Variants in NUMB observed in about 807,000 individuals in gnomAD.
NUMB encodes the protein NUMB endocytic adaptor protein.
In NUMB, 29 loss-of-function variants were observed where a neutral mutation model predicts 59.7. That is an observed-to-expected ratio of 0.49 (90% CI 0.36 to 0.66). NUMB has a LOEUF of 0.66. Among genes scored for constraint, NUMB ranks in the 30% least tolerant of loss-of-function variants. The pLI is 0.00. For missense variants in NUMB, 723 were observed against 822.0 expected, an observed-to-expected ratio of 0.88 and a Z score of 1.47; for synonymous variants, 288 against 288.2, an observed-to-expected ratio of 1.00 and a Z score of 0.01.
chr14:73,316,597 T>G (rs1326025564), intron 5 of NUMB, among the ~76,000 whole-genome samples, 175 bp from the exon 6 acceptor site: 2 of 152,112 alleles, frequency 1.3e-5, no homozygotes, highest in Non-Finnish European at 2.9e-5. Flanking sequence ...GAAGGGTGCA[T>G]GAAAATGCAG....
intron 1 of NUMB, among the ~76,000 whole-genome samples, chr14:73,430,702 G>A (rs1215411495): frequency 1.3e-5 from 2 of 152,052 alleles, no homozygotes; most frequent in Non-Finnish European, 2.9e-5. Context: ...AGCACTTTGG[G>A]AGTCCGAGGC....
Position 73,333,647 on chromosome 14 carries a change from T to A in NUMB, c.127-10443A>T, listed in dbSNP as rs78330171. Reference sequence around the variant, plus strand: ...GGACACTAGATCCTTATCAGACATATAATTTCCAAACATTTTCTCCCATTC... The same window carrying A: ...GGACACTAGATCCTTATCAGACATAAAATTTCCAAACATTTTCTCCCATTC... On this transcript the variant is annotated intron_variant, in intron 4 of 12. Coordinates refer to ENST00000555238, the MANE Select transcript of NUMB (RefSeq NM_001005743.2). Among the ~76,000 whole-genome samples the A allele has an allele frequency of 7.8e-3, 1,182 of 152,282 alleles. 8 individuals are homozygous for A. Among genetic ancestry groups the A allele is most frequent in the Middle Eastern group, 0.037 (11 of 294 alleles).
chr14:73,299,282 T>C (rs1157384718), intron 6 of NUMB: 1 of 152,154 alleles, frequency 6.6e-6, no homozygotes, highest in African/African-American at 2.4e-5. Context: ...TTGATCTTGA[T>C]TCTATGGGCA....
rs188587197 is a variant in NUMB at position 73,276,777 on chromosome 14, G to A, written c.1757C>T (p.Ser586Phe). The A allele has an allele frequency of 3.3e-5, 53 of 1,614,218 alleles. No homozygotes were observed. The Admixed American group carries it at 6.0e-4, about 18-fold the overall frequency. ...ATCATCTACACCATTGAAAGCTGCA[G>A]AACCGTTGAGGTGCTGAGCAGGAGG... The part of the protein sequence containing the change: ...FKPPAQHLNG[S>F]AAFNGVDDGR... The change falls in exon 13 of 13, where the codon TCT becomes TTT. Residue 586 changes from serine to phenylalanine, a missense_variant. Ser to Phe is a radical substitution (Grantham distance 155). This residue lies in a region of NUMB where 406 missense variants were observed against 385.4 expected (regional missense o/e 1.05). Transcript: ENST00000555238.
At chr14:73,437,354 T>C (rs1898103406) in intron 1 of NUMB, among the ~76,000 whole-genome samples, 1 of 152,172 alleles carries the variant, frequency 6.6e-6, no homozygotes. Flanking sequence ...CTCTTAATCG[T>C]GCTCAGTCCA....
chr14:73,386,191 T>G (rs1255483373), intron 2 of NUMB, among the ~76,000 whole-genome samples: 1 of 152,108 alleles, frequency 6.6e-6, no homozygotes, highest in African/African-American at 2.4e-5. Flanking sequence ...CATGCTATGA[T>G]GGCATCTGTG....
Position 73,277,069 on chromosome 14 carries a change from T to C in NUMB, c.1465A>G (p.Thr489Ala), listed in dbSNP as rs1229966008. 2 of 1,613,270 alleles carry C rather than the reference T, an allele frequency of 1.2e-6. No individual in the cohort carries two copies. The highest frequency in any genetic ancestry group is 1.7e-5 in the Admixed American group (1 of 59,930). The change falls in exon 13 of 13, where the codon ACC becomes GCC. Residue 489 changes from threonine to alanine, a missense_variant. Thr to Ala is a moderately conservative substitution (Grantham distance 58). Transcript: ENST00000555238. ...ASPFQGNAFL[T>A]SQPVPVGVVP... is the part of the protein sequence containing the mutation. ...ACACCCACTGGCACAGGCTGAGAGG[T>C]GAGGAATGCATTCCCTTGGAAAGGT...
chr14:73,444,015 C>T (rs1228182210), intron 1 of NUMB, among the ~76,000 whole-genome samples: 4 of 152,032 alleles, frequency 2.6e-5, no homozygotes, highest in Non-Finnish European at 5.9e-5. Flanking sequence ...TCAAGTGATT[C>T]TCCTGCCTCA....
rs1292733380 is a variant in NUMB, at chr14:73,279,278, T to C, written c.1240+3A>G. Reference sequence around the variant, plus strand: ...TCCTCAACACCATCTGTGGCCACCTTACCCGAACATGTGGCTGCAATTTCC... The same window carrying C: ...TCCTCAACACCATCTGTGGCCACCTCACCCGAACATGTGGCTGCAATTTCC... On this transcript the variant is annotated splice_donor_region_variant and intron_variant, in intron 12 of 12. Transcript: ENST00000555238. 6 of 1,614,088 alleles carry C rather than the reference T, an allele frequency of 3.7e-6. No individual in the cohort carries two copies. Among genetic ancestry groups the C allele is most frequent in the South Asian group, 1.1e-5 (1 of 91,080 alleles).
At chr14:73,392,362 T>C (rs1476351389) in intron 2 of NUMB, among the ~76,000 whole-genome samples, 1 of 152,224 alleles carries the variant, frequency 6.6e-6, no homozygotes, top group Non-Finnish European at 1.5e-5. Flanking sequence ...TAACTAAAAC[T>C]GTGAATGAGT....
intron 1 of NUMB, among the ~76,000 whole-genome samples, chr14:73,431,758 A>G (rs1897842255): frequency 6.6e-6 from 1 of 152,048 alleles, no homozygotes; most frequent in Non-Finnish European, 1.5e-5. Context: ...CAAAAAAAGA[A>G]AAGAAAGAAA....
At chr14:73,342,923 C>A (rs749910289) in intron 4 of NUMB, among the ~76,000 whole-genome samples, 1 of 152,020 alleles carries the variant, frequency 6.6e-6, no homozygotes, top group African/African-American at 2.4e-5. Context: ...TGGCTTACTG[C>A]GGCCTCTACC....
chr14:73,330,623 CTT>C (rs2139945859), intron 4 of NUMB, among the ~76,000 whole-genome samples: 1 of 152,272 alleles, frequency 6.6e-6, no homozygotes, highest in East Asian at 1.9e-4. Flanking sequence ...GATTAAATGA[CTT>C]AATACCTACA....
In NUMB at chr14:73,353,195, C is replaced by T. The variant is rs1893559451; in HGVS notation, c.126+2431G>A. 3.4e-5 allele frequency among the ~76,000 whole-genome samples: 5 copies of T among 146,970 alleles called. 1 individual carries two copies. In the South Asian group the frequency reaches 1.1e-3, roughly 32 times the overall value. The stretch of plus-strand genomic sequence containing the variant: ...CACCTCCCAGGTTCAAGCAATTCTC[C>T]TGCCTTAGCTTCCTGAGTAGCTGGG... On this transcript the variant is annotated intron_variant, in intron 4 of 12. Coordinates refer to ENST00000555238, the MANE Select transcript of NUMB (RefSeq NM_001005743.2).
At chr14:73,440,236 C>CATATATATATATGGATATCCAT (rs56803982) in intron 1 of NUMB, among the ~76,000 whole-genome samples, 2 of 94,160 alleles carry the variant, frequency 2.1e-5, no homozygotes, top group African/African-American at 9.2e-5. Flanking sequence ...TATGGATATC[C>CATATATATATATGGATATCCAT]ATATATATAT....
intron 9 of NUMB, chr14:73,286,204 T>C (rs1048260289): frequency 2.2e-5 from 2 of 92,864 alleles, no homozygotes; most frequent in African/African-American, 1.1e-4. Flanking sequence ...TTTTTTTTTT[T>C]TTTTTTTTTT....
chr14:73,349,597 T>C (rs997366696), intron 4 of NUMB, among the ~76,000 whole-genome samples: 1 of 115,544 alleles, frequency 8.7e-6, no homozygotes, highest in Non-Finnish European at 1.8e-5. Flanking sequence ...AAAAAAAGGG[T>C]GGCCAGGCGC....
chr14:73,301,463 G>A (rs1458698772), intron 6 of NUMB, among the ~76,000 whole-genome samples: 1 of 152,144 alleles, frequency 6.6e-6, no homozygotes, highest in Non-Finnish European at 1.5e-5. Flanking sequence ...TTGGAGACAG[G>A]GTCTTGCCTT....
chr14:73,283,817 C>T (rs1304503333), intron 10 of NUMB, among the ~76,000 whole-genome samples: 2 of 152,222 alleles, frequency 1.3e-5, no homozygotes, highest in African/African-American at 4.8e-5. Context: ...AATGCACTTA[C>T]ATCAGGACAA....
Sources: allele counts gnomAD v4.1 joint callset (sites outside exome capture counted in the v4.1 genomes callset), GRCh38; gene constraint gnomAD v4.1.1; regional missense constraint gnomAD v4.1.1; transcripts MANE v1.5; gene names NCBI Gene and HGNC (gene_info 2026-07-23, HGNC 2026-07-21).